The following CDADC1 variants were observed in gnomAD, a reference collection of about 807,000 sequenced individuals.
CDADC1 encodes dCTP deaminase.
CDADC1 carries 39 observed loss-of-function variants against 54.9 expected under a neutral mutation model. The observed-to-expected ratio is 0.71, with a 90% CI of 0.55 to 0.93. The LOEUF (loss-of-function observed/expected upper bound fraction) is 0.93. CDADC1 is among the 40% of genes least tolerant of loss of function. The pLI, the probability that CDADC1 is intolerant of heterozygous loss-of-function variation, is 0.00. For missense variants in CDADC1, 518 were observed against 618.8 expected (o/e 0.84, Z 1.73); for synonymous variants, 186 against 204.0 (o/e 0.91, Z 0.75).
intron 6 of CDADC1, among the ~76,000 whole-genome samples, chr13:49,275,689 T>TTATATATATA (rs371106804): frequency 7.7e-4 from 33 of 43,104 alleles, no homozygotes; most frequent in East Asian, 1.7e-3. Context: ...TTTCTAGGTG[T>TTATATATATA]TATATATATA....
chr13:49,291,172 T>TG (rs1350395397), intron 9 of CDADC1, among the ~76,000 whole-genome samples: 5 of 150,294 alleles, frequency 3.3e-5, no homozygotes, highest in African/African-American at 1.2e-4. Flanking sequence ...AGTTTTTGGT[T>TG]TTTTTTTTTT....
Position 49,291,719 on chromosome 13 carries a change from C to T in CDADC1, c.1507C>T (p.Gln503Ter). The T allele has an allele frequency of 6.2e-7, 1 of 1,614,064 alleles. No homozygotes were observed. Among genetic ancestry groups the T allele is most frequent in the Non-Finnish European group, 8.5e-7 (1 of 1,179,962 alleles). The change falls in exon 10 of 10, where the codon CAG becomes TAG. Residue 503 changes from glutamine to a stop codon, truncating the protein, a stop_gained. Coordinates refer to ENST00000251108, the MANE Select transcript of CDADC1 (RefSeq NM_030911.4). LOFTEE classifies it high-confidence loss of function. The stretch of plus-strand genomic sequence containing the variant: ...GAGACCTGTCCCACAGAAGGAAGAG[C>T]AGCACCAGGACAAGAAGCTGCGCCT... ...VLRPVPQKEE[Q>*]HQDKKLRLGI...
intron 6 of CDADC1, among the ~76,000 whole-genome samples, chr13:49,275,724 TATAGAGAGAGAGAGAGAGAGAGAG>T (rs1566370140): frequency 6.5e-4 from 10 of 15,450 alleles, no homozygotes; most frequent in African/African-American, 1.8e-3. Flanking sequence ...TATATATATA[TATAGAGAGAGAGAGAGAGAGAGAG>T]AGAGAGAGAG....
chr13:49,275,809 G>T, intron 6 of CDADC1, among the ~76,000 whole-genome samples: 1 of 136,882 alleles, frequency 7.3e-6, no homozygotes, highest in Non-Finnish European at 1.6e-5. Flanking sequence ...TCACTCTGTT[G>T]CCAGGCTGGA....
intron 7 of CDADC1, among the ~76,000 whole-genome samples, chr13:49,279,191 T>C (rs1953239980): frequency 6.6e-6 from 1 of 152,204 alleles, no homozygotes; most frequent in Admixed American, 6.5e-5. Context: ...GTGTAAGACA[T>C]GACTCCTGTC....
At chr13:49,276,098 ATTAATT>A (rs1953126593) in intron 6 of CDADC1, among the ~76,000 whole-genome samples, 1 of 152,146 alleles carries the variant, frequency 6.6e-6, no homozygotes, top group Admixed American at 6.5e-5. Context: ...AGACAGATAA[ATTAATT>A]TTAAGAAAAT....
At chr13:49,266,283 C>T (rs1001541846) in intron 4 of CDADC1, among the ~76,000 whole-genome samples, 1 of 152,170 alleles carries the variant, frequency 6.6e-6, no homozygotes, top group South Asian at 2.1e-4. Flanking sequence ...ATGTATAAGG[C>T]ATCTCATCGT....
chr13:49,285,419 C>T (rs1040949947), intron 8 of CDADC1, among the ~76,000 whole-genome samples: 1 of 152,116 alleles, frequency 6.6e-6, no homozygotes, highest in African/African-American at 2.4e-5. Context: ...TCGTGATCCA[C>T]CCACCTCAGC....
At chr13:49,248,525 C>G in intron 1 of CDADC1, 1 of 327,902 alleles carries the variant, frequency 3.0e-6, no homozygotes, top group South Asian at 5.8e-5. Flanking sequence ...AACGCCCCAT[C>G]ACAGTCCAAA....
intron 4 of CDADC1, chr13:49,265,907 A>G: frequency 7.7e-6 from 10 of 1,303,396 alleles, no homozygotes; most frequent in Non-Finnish European, 1.0e-5. Context: ...AGATGCCTAG[A>G]TGAAAGGTTT....
intron 6 of CDADC1, among the ~76,000 whole-genome samples, chr13:49,276,113 ATATT>A (rs1325359814): frequency 1.3e-5 from 2 of 152,162 alleles, no homozygotes; most frequent in Non-Finnish European, 2.9e-5. Context: ...TTTTAAGAAA[ATATT>A]TAATCATGTA....
chr13:49,248,680 G>T (rs1952352849), intron 1 of CDADC1, among the ~76,000 whole-genome samples, 191 bp from the exon 2 acceptor site: 1 of 152,220 alleles, frequency 6.6e-6, no homozygotes, highest in Non-Finnish European at 1.5e-5. Flanking sequence ...TTTAAGTGGA[G>T]AAGGAGGTAG....
chr13:49,283,508 C>T (rs923730674), intron 8 of CDADC1, among the ~76,000 whole-genome samples: 10 of 152,188 alleles, frequency 6.6e-5, no homozygotes, highest in Middle Eastern at 3.4e-3. Context: ...TTCAAGTTCT[C>T]CTCATAAAGA....
At position 49,247,981 on chromosome 13, in the gene CDADC1, C is replaced by G. The variant is rs112120261; in HGVS notation, c.-57C>G. ...AGGCGAGAGGCGGGGGCGCTAGGGC[C>G]GAGATCATGTCTGACTGGGAGAGGT... On this transcript the variant is annotated 5_prime_UTR_variant, in exon 1 of 10. Transcript: ENST00000251108. 8.8e-6 allele frequency: 13 copies of G among 1,484,718 alleles called. No individual in the cohort carries two copies. In the Admixed American group the frequency reaches 9.8e-5, roughly 11 times the overall value. The allele number at this position is 1,484,718 out of a possible 1,614,324, so 92.0% of individuals were successfully genotyped here. A position where few individuals can be genotyped will look rare whatever the true frequency, so the allele number is the denominator to read the frequency against.
At chr13:49,261,391 G>T (rs927718159) in intron 4 of CDADC1, among the ~76,000 whole-genome samples, 1 of 152,148 alleles carries the variant, frequency 6.6e-6, no homozygotes, top group African/African-American at 2.4e-5. Context: ...AGTGGTGGTG[G>T]CATTTTTTTC....
At chr13:49,290,916 G>A (rs921816315) in intron 9 of CDADC1, among the ~76,000 whole-genome samples, 1 of 152,022 alleles carries the variant, frequency 6.6e-6, no homozygotes, top group Non-Finnish European at 1.5e-5. Flanking sequence ...ATCATTTATT[G>A]TACAAATAAA....
intron 9 of CDADC1, among the ~76,000 whole-genome samples, chr13:49,288,649 G>T (rs371303457): frequency 6.6e-6 from 1 of 152,124 alleles, no homozygotes; most frequent in African/African-American, 2.4e-5. Context: ...TTAGACTGGG[G>T]CTTGACTTTT....
chr13:49,291,698 C>G lies in CDADC1; in HGVS notation c.1486C>G (p.Pro496Ala). 6.2e-7 allele frequency: 1 copy of G among 1,614,042 alleles called. No individual in the cohort carries two copies. The highest frequency in any genetic ancestry group is 8.5e-7 in the Non-Finnish European group (1 of 1,179,972). Residue 496 changes from proline (P) to alanine (A), a missense_variant, in exon 10 of 10, where the codon CCT becomes GCT. Pro to Ala is a conservative substitution (Grantham distance 27). Transcript: ENST00000251108. ...PERRENGVLR[P>A]VPQKEEQHQD... ...CTCAATGCTAGATGGTGTGTTGAGA[C>G]CTGTCCCACAGAAGGAAGAGCAGCA... is the stretch of plus-strand genomic sequence containing the variant.
Position 49,267,873 on chromosome 13 carries a change from C to T in CDADC1, c.814C>T (p.Leu272=). The change falls in exon 5 of 10, where the codon CTA becomes TTA. Residue 272 remains leucine (L), a synonymous_variant. Coordinates refer to ENST00000251108, the MANE Select transcript of CDADC1 (RefSeq NM_030911.4). ...NLCENPYFSN[L]RQNMKDLILL... is the part of the protein sequence containing the mutation. ...GTGTGAAAATCCATACTTTAGCAAT[C>T]TAAGGCAAAACATGAAAGACCTTAT... The T allele has an allele frequency of 6.2e-7, 1 of 1,614,110 alleles. No homozygotes were observed. The highest frequency in any genetic ancestry group is 8.5e-7 in the Non-Finnish European group (1 of 1,180,006).
Sources: gnomAD v4.1 joint callset for allele counts (sites outside exome capture counted in the v4.1 genomes callset) on GRCh38, gnomAD v4.1.1 for gene constraint, MANE v1.5 for transcripts, NCBI Gene and HGNC (gene_info 2026-07-23, HGNC 2026-07-21) for gene names.